The following MGAT4C variants were observed in gnomAD, a reference collection of about 807,000 sequenced individuals.
The protein encoded by MGAT4C is alpha-1,3-mannosyl-glycoprotein 4-beta-N-acetylglucosaminyltransferase C.
In MGAT4C, 19 loss-of-function variants were observed where a neutral mutation model predicts 40.1. That is an observed-to-expected ratio of 0.47 (90% CI 0.33 to 0.70). The LOEUF (loss-of-function observed/expected upper bound fraction) is 0.70. Among genes scored for constraint, MGAT4C ranks in the 30% least tolerant of loss-of-function variants. The pLI is 0.02. For synonymous variants in MGAT4C, 181 were observed against 187.1 expected, an observed-to-expected ratio of 0.97 and a Z score of 0.27; for missense variants, 491 against 563.2, an observed-to-expected ratio of 0.87 and a Z score of 1.30.
chr12:85,998,804 G>C (rs1014081531), intron 2 of MGAT4C, among the ~76,000 whole-genome samples: 1 of 152,088 alleles, frequency 6.6e-6, no homozygotes, highest in Non-Finnish European at 1.5e-5. Flanking sequence ...AATTTTCCAT[G>C]TTTTTCTATC....
chr12:86,203,275 T>C (rs1950116125), intron 1 of MGAT4C, among the ~76,000 whole-genome samples: 1 of 152,180 alleles, frequency 6.6e-6, no homozygotes. Context: ...CTTATCCCTA[T>C]AAAACTTTCT....
At chr12:86,514,388 T>C (rs1308008408) in intron 2 of MGAT4C, among the ~76,000 whole-genome samples, 1 of 152,124 alleles carries the variant, frequency 6.6e-6, no homozygotes, top group African/African-American at 2.4e-5. Context: ...GAGTTTATTA[T>C]ATGTCTAAAG....
chr12:86,252,708 A>G (rs1354614978), intron 1 of MGAT4C, among the ~76,000 whole-genome samples: 2 of 132,068 alleles, frequency 1.5e-5, no homozygotes, highest in East Asian at 6.7e-4. Flanking sequence ...TAATTAAAAT[A>G]AAAAAATTCT....
chr12:86,811,808 A>AT lies in MGAT4C; in HGVS notation c.-262+26857dup, dbSNP rs559074761. 1.1e-3 allele frequency among the ~76,000 whole-genome samples: 158 copies of AT among 140,640 alleles called. 1 individual carries two copies. Among genetic ancestry groups the AT allele is most frequent in the Non-Finnish European group, 1.8e-3 (116 of 62,776 alleles). The allele number at this position is 140,640 out of a possible 152,430, so 92.3% of individuals were successfully genotyped here. ...GTTCTCTATCATTTTCCAATTTTCA[A>AT]TTTTATTGATTTTTGCTCTGAATAT... On this transcript the variant is annotated intron_variant, in intron 1 of 7. Coordinates refer to the MGAT4C transcript ENST00000548651.
chr12:86,471,307 A>C (rs572162714), intron 2 of MGAT4C, among the ~76,000 whole-genome samples: 2 of 152,046 alleles, frequency 1.3e-5, no homozygotes, highest in Admixed American at 1.3e-4. Flanking sequence ...TTCAATGTAC[A>C]TGAATGTAAT....
intron 2 of MGAT4C, among the ~76,000 whole-genome samples, chr12:86,601,758 C>A (rs1317322350): frequency 1.3e-5 from 2 of 152,110 alleles, no homozygotes; most frequent in African/African-American, 4.8e-5. Flanking sequence ...GTGGTGGGGC[C>A]GGAGCGGGGC....
intron 3 of MGAT4C, among the ~76,000 whole-genome samples, chr12:86,359,853 A>G (rs1018093288): frequency 6.6e-6 from 1 of 152,172 alleles, no homozygotes; most frequent in Non-Finnish European, 1.5e-5. Flanking sequence ...CTACCAACCA[A>G]AAAACGTCCA....
intron 1 of MGAT4C, among the ~76,000 whole-genome samples, chr12:86,207,805 G>A (rs1950315355): frequency 6.6e-6 from 1 of 152,040 alleles, no homozygotes; most frequent in Admixed American, 6.6e-5. Context: ...TCCTGAAAAT[G>A]AAGAATTAAT....
chr12:86,546,063 G>T (rs77028666), intron 2 of MGAT4C, among the ~76,000 whole-genome samples: 1 of 151,784 alleles, frequency 6.6e-6, no homozygotes, highest in Non-Finnish European at 1.5e-5. Flanking sequence ...TGCTCAAAAC[G>T]TTGACGTTTT....
At chr12:86,020,552 G>T (rs950044144) in intron 2 of MGAT4C, among the ~76,000 whole-genome samples, 2 of 152,272 alleles carry the variant, frequency 1.3e-5, no homozygotes, top group South Asian at 4.1e-4. Context: ...GCTGAAACTG[G>T]ATCCCTTCCT....
intron 2 of MGAT4C, among the ~76,000 whole-genome samples, chr12:86,035,470 A>G (rs1891140841): frequency 6.7e-6 from 1 of 149,814 alleles, no homozygotes; most frequent in African/African-American, 2.4e-5. Context: ...TAGATTCTGG[A>G]TATTAGCCCT....
chr12:86,005,230 C>T (rs1292607389), intron 2 of MGAT4C, among the ~76,000 whole-genome samples: 2 of 152,182 alleles, frequency 1.3e-5, no homozygotes, highest in Non-Finnish European at 1.5e-5. Flanking sequence ...GTAACATTTA[C>T]ACTTGTAAAA....
At chr12:86,637,078 T>C (rs1593067700) in intron 2 of MGAT4C, among the ~76,000 whole-genome samples, 1 of 151,902 alleles carries the variant, frequency 6.6e-6, no homozygotes, top group Non-Finnish European at 1.5e-5. Flanking sequence ...CAAATTTTTC[T>C]GGAGTCATAG....
chr12:86,664,799 C>T (rs1964064394), intron 2 of MGAT4C, among the ~76,000 whole-genome samples: 1 of 152,036 alleles, frequency 6.6e-6, no homozygotes, highest in South Asian at 2.1e-4. Context: ...TAGAAAAAAA[C>T]AATTCCGGTT....
At chr12:86,531,451 C>T (rs1592957296) in intron 2 of MGAT4C, among the ~76,000 whole-genome samples, 3 of 152,092 alleles carry the variant, frequency 2.0e-5, no homozygotes, top group South Asian at 4.1e-4. Context: ...CTAGGTATTG[C>T]CTGTGGTCAC....
chr12:86,062,739 A>G (rs1592821879), intron 1 of MGAT4C, among the ~76,000 whole-genome samples: 1 of 151,918 alleles, frequency 6.6e-6, no homozygotes, highest in East Asian at 1.9e-4. Flanking sequence ...ACAAGTATCA[A>G]TAGCCAAATT....
At chr12:86,680,892 A>G (rs572609435) in intron 2 of MGAT4C, among the ~76,000 whole-genome samples, 1 of 152,116 alleles carries the variant, frequency 6.6e-6, no homozygotes, top group African/African-American at 2.4e-5. Context: ...TCCAATAATC[A>G]GGAACAAACA....
chr12:86,540,020 G>GT (rs1959146420), intron 2 of MGAT4C, among the ~76,000 whole-genome samples: 1 of 152,128 alleles, frequency 6.6e-6, no homozygotes, highest in Non-Finnish European at 1.5e-5. Flanking sequence ...AAGCTCTTTA[G>GT]TTTAATTAGA....
intron 2 of MGAT4C, among the ~76,000 whole-genome samples, chr12:86,036,380 C>T (rs61931118): frequency 0.22 from 32,489 of 149,552 alleles, 6,160 homozygotes; most frequent in Non-Finnish European, 0.31. Context: ...AGAGGGCGTC[C>T]GTGTCTTGTG....
Sources: allele counts gnomAD v4.1 joint callset (sites outside exome capture counted in the v4.1 genomes callset), GRCh38; gene constraint gnomAD v4.1.1; transcripts MANE v1.5; gene names NCBI Gene and HGNC (gene_info 2026-07-23, HGNC 2026-07-21).